Variants in MRE11 observed in about 807,000 individuals in gnomAD.
MRE11 encodes the protein double-strand break repair protein MRE11.
A neutral mutation model predicts 91.7 loss-of-function variants in MRE11; 62 were observed. The ratio of observed to expected loss-of-function variants is 0.68; its 90% CI spans 0.55 to 0.84. MRE11 has a LOEUF of 0.84. Among genes scored for constraint, MRE11 ranks in the 40% least tolerant of loss-of-function variants. MRE11 has a pLI of 0.00. For synonymous variants in MRE11, 273 were observed against 271.4 expected (o/e 1.01, Z -0.06); for missense variants, 796 against 852.9 (o/e 0.93, Z 0.83).
Position 94,476,390 on chromosome 11 carries a change from A to G in MRE11, c.558T>C (p.Asp186=), listed in dbSNP as rs1555014587. ...TGACAAACATTCGATAGAGCCTTTC[A>G]TCTGGAATGGATCCTGAAATGGACA... ...IALYGLGSIP[D]ERLYRMFVNK... The change falls in exon 7 of 20, where the codon GAT becomes GAC. Residue 186 remains aspartate, a synonymous_variant. Transcript: ENST00000323929. 1 of 1,605,504 alleles carries G rather than the reference A, an allele frequency of 6.2e-7. No individual in the cohort carries two copies. The highest frequency in any genetic ancestry group is 8.5e-7 in the Non-Finnish European group (1 of 1,172,544).
At chr11:94,484,532 G>A (rs531977438) in intron 4 of MRE11, among the ~76,000 whole-genome samples, 2 of 152,226 alleles carry the variant, frequency 1.3e-5, no homozygotes, top group African/African-American at 2.4e-5. Flanking sequence ...AGAGTAAGCT[G>A]GACTCAGAGA....
intron 16 of MRE11, among the ~76,000 whole-genome samples, chr11:94,443,935 T>G (rs1346065460): frequency 6.6e-6 from 1 of 150,972 alleles, no homozygotes; most frequent in African/African-American, 2.4e-5. Flanking sequence ...TTTTTTTTTT[T>G]TTTTGGAGAC....
At chr11:94,451,298 AG>A (rs1946098217) in intron 14 of MRE11, among the ~76,000 whole-genome samples, 2 of 152,174 alleles carry the variant, frequency 1.3e-5, no homozygotes. Flanking sequence ...GGAAAAAAAC[AG>A]GTTCAACAAA....
intron 3 of MRE11, among the ~76,000 whole-genome samples, chr11:94,490,045 G>A (rs1947246498): frequency 6.6e-6 from 1 of 151,908 alleles, no homozygotes; most frequent in South Asian, 2.1e-4. Context: ...CCATCCCTAA[G>A]GTCAATACTT....
intron 2 of MRE11, chr11:94,492,557 A>G: frequency 2.7e-6 from 2 of 739,370 alleles, no homozygotes; most frequent in South Asian, 1.7e-5. Context: ...ATATCAATAT[A>G]TCAAATTACT....
intron 19 of MRE11, among the ~76,000 whole-genome samples, chr11:94,423,450 G>A (rs1318022502): frequency 5.3e-5 from 8 of 152,234 alleles, no homozygotes; most frequent in Admixed American, 3.3e-4. Context: ...TAAGGCAGCT[G>A]CAGCAGAAGG....
intron 18 of MRE11, among the ~76,000 whole-genome samples, 158 bp from the exon 19 acceptor site, chr11:94,430,144 G>A (rs1054869414): frequency 6.6e-6 from 1 of 152,144 alleles, no homozygotes; most frequent in Non-Finnish European, 1.5e-5. Flanking sequence ...TAACTGTAAG[G>A]AAAAGGACTC....
chr11:94,478,126 G>A (rs762668548), intron 6 of MRE11, among the ~76,000 whole-genome samples: 27 of 152,156 alleles, frequency 1.8e-4, no homozygotes, highest in Non-Finnish European at 3.2e-4. Context: ...GGGAGAAAAT[G>A]GATGACTGGA....
At chr11:94,493,008 G>C in intron 1 of MRE11, 102 bp from the exon 2 acceptor site, 1 of 567,554 alleles carries the variant, frequency 1.8e-6, no homozygotes, top group South Asian at 2.4e-5. Context: ...TAATTAGACT[G>C]GCAAATTTAG....
chr11:94,474,376 T>C (rs191378836), intron 7 of MRE11, among the ~76,000 whole-genome samples: 19 of 152,044 alleles, frequency 1.2e-4, no homozygotes, highest in Non-Finnish European at 1.3e-4. Flanking sequence ...TGGTCAAAGC[T>C]GCAACAATCA....
upstream of MRE11, among the ~76,000 whole-genome samples, chr11:94,495,357 G>A (rs1947400092): frequency 6.6e-6 from 1 of 152,220 alleles, no homozygotes; most frequent in African/African-American, 2.4e-5. Flanking sequence ...AGACAAGTAG[G>A]AGATAAATAT....
chr11:94,478,640 C>A, intron 6 of MRE11, 95 bp downstream of exon 6: 1 of 1,426,704 alleles, frequency 7.0e-7, no homozygotes, highest in East Asian at 2.3e-5. Flanking sequence ...AAGGTTTGCC[C>A]CATTTTTTCC....
At chr11:94,492,670 T>C (rs755108385) in intron 2 of MRE11, 112 bp downstream of exon 2, 3 of 1,474,564 alleles carry the variant, frequency 2.0e-6, no homozygotes, top group African/African-American at 1.4e-5. Flanking sequence ...TTTCTGTTCA[T>C]AAACAGGTTC....
chr11:94,496,769 C>G, upstream of MRE11: 1 of 1,613,594 alleles, frequency 6.2e-7, no homozygotes, highest in Non-Finnish European at 8.5e-7. Context: ...ACACTTTAAC[C>G]AACTTGAATT....
chr11:94,437,164 C>T lies in MRE11; in HGVS notation c.1926+13G>A. The T allele has an allele frequency of 1.2e-6, 2 of 1,607,322 alleles. No individual in the cohort carries two copies. The highest frequency in any genetic ancestry group is 1.7e-6 in the Non-Finnish European group (2 of 1,175,124). On this transcript the variant is annotated intron_variant, in intron 17 of 19. Coordinates refer to ENST00000323929, the MANE Select transcript of MRE11 (RefSeq NM_005591.4). The stretch of plus-strand genomic sequence containing the variant: ...AAATTATTAATACACAACCATAAAA[C>T]TTTTTTTCTTACCTCTGAATAATTC...
chr11:94,498,034 T>G, upstream of MRE11: 1 of 1,477,386 alleles, frequency 6.8e-7, no homozygotes, highest in Non-Finnish European at 9.1e-7. Flanking sequence ...TGTTTTGGTT[T>G]GAGTTGAGTT....
chr11:94,428,409 T>C lies in MRE11; in HGVS notation c.2070+1502A>G, dbSNP rs369773084. Among the ~76,000 whole-genome samples the C allele has an allele frequency of 9.2e-5, 14 of 152,308 alleles. No homozygotes were observed. In the East Asian group the frequency reaches 2.5e-3, roughly 27 times the overall value. ...AACTCAAGATGAATTAAAGATTTAA[T>C]AGTAAGACCTCATACTATAATAATC... On this transcript the variant is annotated intron_variant, in intron 19 of 19. Transcript: ENST00000323929.
chr11:94,442,069 G>A (rs1350059007), intron 16 of MRE11, among the ~76,000 whole-genome samples: 1 of 151,704 alleles, frequency 6.6e-6, no homozygotes, highest in Non-Finnish European at 1.5e-5. Flanking sequence ...GTCATGTGAG[G>A]AGAGAGTAAA....
intron 16 of MRE11, among the ~76,000 whole-genome samples, chr11:94,441,864 C>T (rs1325039089): frequency 3.3e-5 from 5 of 150,848 alleles, no homozygotes; most frequent in Admixed American, 2.0e-4. Context: ...GTAATCCCAG[C>T]GACTCGGGAG....
Sources: allele counts gnomAD v4.1 joint callset (sites outside exome capture counted in the v4.1 genomes callset), GRCh38; gene constraint gnomAD v4.1.1; transcripts MANE v1.5; gene names NCBI Gene and HGNC (gene_info 2026-07-23, HGNC 2026-07-21).